UNC5A: variants seen among roughly 807,000 people sequenced by gnomAD.
UNC5A encodes netrin receptor UNC5A.
In UNC5A, 20 loss-of-function variants were observed where a neutral mutation model predicts 87.4. The ratio of observed to expected loss-of-function variants is 0.23; its 90% CI spans 0.16 to 0.33. The LOEUF (loss-of-function observed/expected upper bound fraction) is 0.33, where lower values mean the gene tolerates loss of function less well. Among genes scored for constraint, UNC5A ranks in the 10% least tolerant of loss-of-function variants. The pLI, the probability that UNC5A is intolerant of heterozygous loss-of-function variation, is 1.00. For missense variants in UNC5A, 844 were observed against 1,133.4 expected, an observed-to-expected ratio of 0.74 and a Z score of 3.67; for synonymous variants, 438 against 482.3, an observed-to-expected ratio of 0.91 and a Z score of 1.20.
chr5:176,859,523 A>G (rs1163801793), intron 1 of UNC5A, among the ~76,000 whole-genome samples: 1,267 of 92,934 alleles, frequency 0.014, no homozygotes, highest in African/African-American at 0.038. Flanking sequence ...TAGCTGCTAG[A>G]ATGTCCTTGC....
rs762856509 is a variant in UNC5A, at chr5:176,874,186, G to C, written c.1075+30G>C. On this transcript the variant is annotated intron_variant, in intron 7 of 14. Transcript: ENST00000329542. The surrounding 1 kb of genome is among the most constrained non-coding windows in gnomAD (Gnocchi z 7.6). ...GGGGCCCCGTGCCCCCAGCACTCCT[G>C]CCCCAGCTCCCACGCCAAGGGCTGC... 4.8e-5 allele frequency: 77 copies of C among 1,605,968 alleles called. No individual in the cohort carries two copies. The highest frequency in any genetic ancestry group is 6.2e-5 in the Non-Finnish European group (73 of 1,174,316).
chr5:176,879,652 G>A, intron 14 of UNC5A, 69 bp from the exon 15 acceptor site: 1 of 1,585,494 alleles, frequency 6.3e-7, no homozygotes, highest in South Asian at 1.2e-5. Flanking sequence ...CCCTGGGGTG[G>A]GCCAGGGGGG....
Position 176,865,905 on chromosome 5 carries a change from T to TA in UNC5A, c.293-2217dup, listed in dbSNP as rs199524331. Among the ~76,000 whole-genome samples, 9 of 152,062 alleles carry TA rather than the reference T, an allele frequency of 5.9e-5. No individual in the cohort carries two copies. Among genetic ancestry groups the TA allele is most frequent in the East Asian group, 5.8e-4 (3 of 5,170 alleles). ...TGCTGGAACCCAAACCTGCTAACAC[T>TA]AAAAAAAAGCCTGAAATTTGCAAAA... On this transcript the variant is annotated intron_variant, in intron 2 of 14. Transcript: ENST00000329542. This position sits in a 1 kb window ranked among gnomAD's most constrained non-coding sequence, Gnocchi z 5.3.
intron 1 of UNC5A, among the ~76,000 whole-genome samples, chr5:176,861,330 C>G (rs539751008): frequency 6.6e-6 from 1 of 152,308 alleles, no homozygotes; most frequent in South Asian, 2.1e-4. Flanking sequence ...GGTGAGGAAA[C>G]AGGTTCAGGA....
chr5:176,869,769 A>G lies in UNC5A; in HGVS notation c.722-601A>G. 1 of 604,876 alleles carries G rather than the reference A, an allele frequency of 1.7e-6. No homozygotes were observed. Among genetic ancestry groups the G allele is most frequent in the African/African-American group, 1.9e-5 (1 of 53,510 alleles). 37.5% of individuals were successfully genotyped at this position (604,876 alleles called of 1,614,324 possible). ...GAATGTCCAGAAAACAGCCTGCGCC[A>G]CCCTGTGCCCAGGTACCAGCGGCCA... On this transcript the variant is annotated intron_variant, in intron 5 of 14. Coordinates refer to ENST00000329542, the MANE Select transcript of UNC5A (RefSeq NM_133369.3). This position sits in a 1 kb window ranked among gnomAD's most constrained non-coding sequence, Gnocchi z 9.1.
Position 176,878,385 on chromosome 5 carries a change from A to T in UNC5A, c.2011A>T (p.Ser671Cys). 1 of 1,613,566 alleles carries T rather than the reference A, an allele frequency of 6.2e-7. No homozygotes were observed. The highest frequency in any genetic ancestry group is 8.5e-7 in the Non-Finnish European group (1 of 1,179,962). ...SSLWKSKLLV[S>C]YQEIPFYHIW... ...CCTGTGGAAGAGTAAGCTCCTTGTC[A>T]GCTACCAGGTGAGGGCCAGGGCCGT... The change falls in exon 12 of 15, where the codon AGC becomes TGC. Residue 671 changes from serine to cysteine, a missense_variant. Ser to Cys is a moderately radical substitution (Grantham distance 112, BLOSUM62 -1). Coordinates refer to ENST00000329542, the MANE Select transcript of UNC5A (RefSeq NM_133369.3).
Position 176,880,165 on chromosome 5 carries a change from T to C in UNC5A, c.*279T>C. On this transcript the variant is annotated 3_prime_UTR_variant, in exon 15 of 15. Transcript: ENST00000329542. ...GCCAGGCCCAGCCCATCTGTGTGTG[T>C]GTATGTGCGTGTGATGCTACCTCTC... 1 of 415,558 alleles carries C rather than the reference T, an allele frequency of 2.4e-6. No homozygotes were observed. Among genetic ancestry groups the C allele is most frequent in the Non-Finnish European group, 4.4e-6 (1 of 227,206 alleles). The allele number at this position is 415,558 out of a possible 1,614,324, so 25.7% of individuals were successfully genotyped here. A position where few individuals can be genotyped will look rare whatever the true frequency, so the allele number is the denominator to read the frequency against.
intron 1 of UNC5A, among the ~76,000 whole-genome samples, chr5:176,849,747 G>A (rs905451898): frequency 2.0e-5 from 3 of 151,906 alleles, no homozygotes; most frequent in Admixed American, 6.6e-5. Flanking sequence ...CCAAGGCCAC[G>A]TGGCCAGGTG....
intron 1 of UNC5A, among the ~76,000 whole-genome samples, chr5:176,860,965 C>T (rs574027345): frequency 2.1e-4 from 32 of 152,206 alleles, no homozygotes; most frequent in African/African-American, 6.0e-4. Context: ...GGAGGGCCGG[C>T]GACCCAGCAG....
At chr5:176,861,848 C>T (rs541625628) in intron 1 of UNC5A, among the ~76,000 whole-genome samples, 1,795 of 144,146 alleles carry the variant, frequency 0.012, 22 homozygotes, top group Middle Eastern at 0.086. Flanking sequence ...GTTCAAAGGG[C>T]AGCTGGGGGT....
chr5:176,845,820 G>A (rs573399297), intron 1 of UNC5A, among the ~76,000 whole-genome samples: 11 of 152,342 alleles, frequency 7.2e-5, no homozygotes, highest in Admixed American at 5.2e-4. Flanking sequence ...GCCATGAGCT[G>A]AGATTCAGGC....
Position 176,878,120 on chromosome 5 carries a change from C to T in UNC5A, c.1862C>T (p.Ala621Val). Residue 621 changes from alanine to valine, a missense_variant, in exon 11 of 15, where the codon GCA becomes GTA. Physicochemically the swap from Ala to Val is moderately conservative, Grantham distance 64. Transcript: ENST00000329542. ...RVYCLHDTHD[A>V]LKEVVQLEKQ... ...TACTGCCTGCATGACACCCACGATGCACTCAAGGTATCTCCCGCCCCTCAC... is the reference window on the plus strand; with the variant it reads ...TACTGCCTGCATGACACCCACGATGTACTCAAGGTATCTCCCGCCCCTCAC... 4 of 1,608,342 alleles carry T rather than the reference C, an allele frequency of 2.5e-6. No homozygotes were observed. The highest frequency in any genetic ancestry group is 2.5e-6 in the Non-Finnish European group (3 of 1,179,744).
chr5:176,846,433 T>C (rs181659594), intron 1 of UNC5A, among the ~76,000 whole-genome samples: 31 of 149,862 alleles, frequency 2.1e-4, no homozygotes, highest in Non-Finnish European at 3.4e-4. Flanking sequence ...CAGCAAAGAG[T>C]TTAATGAATG....
chr5:176,877,591 C>A lies in UNC5A; in HGVS notation c.1523C>A (p.Pro508His). ...AGTCCCATCGTTAGCTGTGGACCCC[C>A]TGGCGTCCTGCTCACCCGGCCAGTC... Reference protein sequence around the residue: ...LLSPIVSCGPPGVLLTRPVIL... With the variant: ...LLSPIVSCGPHGVLLTRPVIL... The change falls in exon 10 of 15, where the codon CCT becomes CAT. Residue 508 changes from proline to histidine, a missense_variant. Around this residue, in one of 3 missense-constraint regions of UNC5A, gnomAD observed 353 missense variants for 387.5 expected, o/e 0.91. Coordinates refer to ENST00000329542, the MANE Select transcript of UNC5A (RefSeq NM_133369.3). 6.2e-7 allele frequency: 1 copy of A among 1,612,196 alleles called. No homozygotes were observed. The highest frequency in any genetic ancestry group is 8.5e-7 in the Non-Finnish European group (1 of 1,179,372).
intron 1 of UNC5A, among the ~76,000 whole-genome samples, chr5:176,847,482 A>G (rs1288449987): frequency 6.6e-6 from 1 of 152,036 alleles, no homozygotes; most frequent in Non-Finnish European, 1.5e-5. Context: ...TCTCATTAAT[A>G]TACTTAAAGT....
Position 176,846,358 on chromosome 5 carries a change from G to A in UNC5A, c.71-16266G>A, listed in dbSNP as rs534293713. ...AGGTGGAGCCAGGAATGGGATTAAG[G>A]TGGGTGGGGGGAGCTGAGTAGGGAG... On this transcript the variant is annotated intron_variant, in intron 1 of 14. Transcript: ENST00000329542. Among the ~76,000 whole-genome samples, 4 of 152,154 alleles carry A rather than the reference G, an allele frequency of 2.6e-5. No homozygotes were observed. The South Asian group carries it at 8.3e-4, about 32-fold the overall frequency.
chr5:176,834,563 A>T (rs1252610368), intron 1 of UNC5A, among the ~76,000 whole-genome samples: 2 of 152,182 alleles, frequency 1.3e-5, no homozygotes, highest in African/African-American at 2.4e-5. Flanking sequence ...AGCAGGACAG[A>T]TGTGGAAGGA....
chr5:176,842,807 C>T (rs553782096), intron 1 of UNC5A, among the ~76,000 whole-genome samples: 1 of 152,178 alleles, frequency 6.6e-6, no homozygotes, highest in Non-Finnish European at 1.5e-5. Context: ...CTCTAAAGAA[C>T]TTACGTAACC....
chr5:176,838,400 A>T lies in UNC5A; in HGVS notation c.71-24224A>T, dbSNP rs1271273293. Among the ~76,000 whole-genome samples the T allele has an allele frequency of 6.6e-6, 1 of 152,074 alleles. No homozygotes were observed. The highest frequency in any genetic ancestry group is 1.5e-5 in the Non-Finnish European group (1 of 68,012). Reference sequence around the variant, plus strand: ...TCTGTCTTCCCAGTCTTGTCTTCTTACCTCTCCTCATGTTTCCTTCACTCC... The same window carrying T: ...TCTGTCTTCCCAGTCTTGTCTTCTTTCCTCTCCTCATGTTTCCTTCACTCC... On this transcript the variant is annotated intron_variant, in intron 1 of 14. Transcript: ENST00000329542. This position sits in a 1 kb window ranked among gnomAD's most constrained non-coding sequence, Gnocchi z 4.2.
Sources: allele counts gnomAD v4.1 joint callset (sites outside exome capture counted in the v4.1 genomes callset), GRCh38; gene constraint gnomAD v4.1.1; regional missense constraint gnomAD v4.1.1; non-coding constraint Gnocchi (gnomAD v3.1); transcripts MANE v1.5; gene names NCBI Gene and HGNC (gene_info 2026-07-23, HGNC 2026-07-21).